Variants in WWOX observed in about 807,000 individuals in gnomAD.
WWOX encodes the protein WW domain containing oxidoreductase, also known as WW domain-containing oxidoreductase.
In WWOX, 69 loss-of-function variants were observed where a neutral mutation model predicts 46.2. The observed-to-expected ratio is 1.49, with a 90% CI of 1.23 to 1.82. WWOX has a LOEUF of 1.82. Ranked by LOEUF, WWOX falls within the 40% of genes most tolerant of loss-of-function variation. The probability of loss-of-function intolerance (pLI) is 0.00; values close to 1 mark genes in which losing one functional copy is unlikely to be tolerated. For missense variants in WWOX, 919 were observed against 542.6 expected, an observed-to-expected ratio of 1.69 and a Z score of -6.89; for synonymous variants, 359 against 202.6, an observed-to-expected ratio of 1.77 and a Z score of -6.56.
chr16:79,068,691 C>T (rs2048488057), intron 8 of WWOX, among the ~76,000 whole-genome samples: 3 of 151,712 alleles, frequency 2.0e-5, no homozygotes, highest in Admixed American at 2.0e-4. Flanking sequence ...CATGCCTGTG[C>T]TCCCAGCCAC....
chr16:79,180,987 G>C (rs967387428), intron 8 of WWOX, among the ~76,000 whole-genome samples: 12 of 152,136 alleles, frequency 7.9e-5, no homozygotes, highest in Non-Finnish European at 1.8e-4. Flanking sequence ...TTGTATGTCT[G>C]ATTTTTTAGC....
intron 6 of WWOX, among the ~76,000 whole-genome samples, chr16:78,398,371 TC>T (rs1360731907): frequency 4.6e-5 from 7 of 152,134 alleles, no homozygotes; most frequent in African/African-American, 1.7e-4. Context: ...GTGGCTCCTC[TC>T]CCACTTGTCC....
intron 8 of WWOX, among the ~76,000 whole-genome samples, chr16:78,498,595 G>C (rs558422024): frequency 6.6e-6 from 1 of 152,238 alleles, no homozygotes; most frequent in East Asian, 2.0e-4. Flanking sequence ...CAAGGATTGG[G>C]AGATGTTCAT....
At chr16:79,016,926 C>T (rs1347248926) in intron 8 of WWOX, 1 of 152,196 alleles carries the variant, frequency 6.6e-6, no homozygotes, top group East Asian at 1.9e-4. Flanking sequence ...GGTCGAACTC[C>T]TGACCTCAGG....
In WWOX at chr16:78,386,957, T is replaced by A. The variant is rs368853054; in HGVS notation, c.605+9T>A. On this transcript the variant is annotated intron_variant, in intron 6 of 8. Transcript: ENST00000566780. ...TTCAAGGCCAAGAATGTGTGAGTGT[T>A]CCAGTGGAGGGTTATAGATCATAAT... 1,189 of 1,612,404 alleles carry A rather than the reference T, an allele frequency of 7.4e-4. No individual in the cohort carries two copies. Among genetic ancestry groups the A allele is most frequent in the Admixed American group, 1.3e-3 (77 of 60,022 alleles).
At chr16:78,636,536 G>T (rs914507748) in intron 8 of WWOX, among the ~76,000 whole-genome samples, 12 of 152,088 alleles carry the variant, frequency 7.9e-5, no homozygotes. Context: ...TAGAGTAGCT[G>T]CCCTCCCCAT....
intron 5 of WWOX, among the ~76,000 whole-genome samples, chr16:78,276,068 C>A (rs1403985063): frequency 6.6e-6 from 1 of 152,164 alleles, no homozygotes; most frequent in Non-Finnish European, 1.5e-5. Context: ...GACAGACTGA[C>A]AGTATTAGCG....
rs148847379 is a variant in WWOX, at chr16:78,754,463, C to A, written c.1056+321711C>A. Among the ~76,000 whole-genome samples the A allele has an allele frequency of 3.1e-3, 478 of 152,278 alleles. 3 individuals are homozygous for A. The highest frequency in any genetic ancestry group is 0.011 in the African/African-American group (449 of 41,564). On this transcript the variant is annotated intron_variant, in intron 8 of 8. Coordinates refer to ENST00000566780, the MANE Select transcript of WWOX (RefSeq NM_016373.4). The stretch of plus-strand genomic sequence containing the variant: ...GGCACCGGATTTGAAAGCCAATGTT[C>A]TCTTAGTACCTACCGCTTTCTTTTC...
chr16:78,622,122 A>G (rs955832476), intron 8 of WWOX, among the ~76,000 whole-genome samples: 1 of 152,178 alleles, frequency 6.6e-6, no homozygotes, highest in Non-Finnish European at 1.5e-5. Flanking sequence ...TAATTTTAGT[A>G]AAACCTTGAA....
At chr16:78,894,829 C>G (rs1001749286) in intron 8 of WWOX, among the ~76,000 whole-genome samples, 2 of 152,174 alleles carry the variant, frequency 1.3e-5, no homozygotes, top group African/African-American at 4.8e-5. Context: ...CAGTTTTCCA[C>G]AATGCGGCTA....
chr16:78,188,306 G>A (rs1364814162), intron 5 of WWOX, among the ~76,000 whole-genome samples: 2 of 151,924 alleles, frequency 1.3e-5, no homozygotes, highest in African/African-American at 2.4e-5. Flanking sequence ...TGGCTAACAC[G>A]GTGAAACCCC....
At chr16:78,521,555 C>A (rs1201239716) in intron 8 of WWOX, among the ~76,000 whole-genome samples, 2 of 152,140 alleles carry the variant, frequency 1.3e-5, no homozygotes, top group Non-Finnish European at 2.9e-5. Context: ...TAGAGTTCTA[C>A]TTATATTACA....
chr16:78,329,818 C>G (rs13336567), intron 5 of WWOX, among the ~76,000 whole-genome samples: 19,552 of 151,294 alleles, frequency 0.13, 1,324 homozygotes, highest in Middle Eastern at 0.14. Flanking sequence ...AGAATCATAG[C>G]TCACTGCAGC....
chr16:78,453,640 T>C (rs1484351030), intron 8 of WWOX, among the ~76,000 whole-genome samples: 1 of 152,114 alleles, frequency 6.6e-6, no homozygotes, highest in Non-Finnish European at 1.5e-5. Context: ...ATTTTTATCC[T>C]GAAGATTTTT....
intron 8 of WWOX, among the ~76,000 whole-genome samples, chr16:79,116,211 C>T (rs1422142532): frequency 6.6e-6 from 1 of 152,086 alleles, no homozygotes; most frequent in Non-Finnish European, 1.5e-5. Flanking sequence ...TTGGCGGTTG[C>T]TGAAGGTTGG....
At chr16:78,712,745 A>G (rs1002584173) in intron 8 of WWOX, among the ~76,000 whole-genome samples, 3 of 152,182 alleles carry the variant, frequency 2.0e-5, no homozygotes, top group African/African-American at 4.8e-5. Context: ...CGAAAAATCT[A>G]CAAGTGAAAT....
intron 8 of WWOX, among the ~76,000 whole-genome samples, chr16:79,042,056 C>A (rs964163525): frequency 7.9e-5 from 12 of 152,126 alleles, no homozygotes; most frequent in Non-Finnish European, 1.0e-4. Context: ...TGGAGGGAAA[C>A]TGATTAACTC....
Position 78,374,977 on chromosome 16 carries a change from C to T in WWOX, c.517-11883C>T, listed in dbSNP as rs539532498. On this transcript the variant is annotated intron_variant, in intron 5 of 8. Transcript: ENST00000566780. ...CTGGGATAACAGGCGTGAGCCACTG[C>T]GCCTGTCTACATTTTCTGTCTTTAC... Among the ~76,000 whole-genome samples the T allele has an allele frequency of 1.9e-3, 288 of 152,286 alleles. 2 individuals are homozygous for T. Among genetic ancestry groups the T allele is most frequent in the Non-Finnish European group, 2.9e-3 (195 of 68,024 alleles).
At chr16:78,501,179 C>CTT (rs2085055761) in intron 8 of WWOX, among the ~76,000 whole-genome samples, 1 of 11,168 alleles carries the variant, frequency 9.0e-5, no homozygotes, top group Admixed American at 1.6e-3. Flanking sequence ...TTTTCTTTCT[C>CTT]TCTCTTTCTT....
Sources: gnomAD v4.1 joint callset for allele counts (sites outside exome capture counted in the v4.1 genomes callset) on GRCh38, gnomAD v4.1.1 for gene constraint, MANE v1.5 for transcripts, NCBI Gene and HGNC (gene_info 2026-07-23, HGNC 2026-07-21) for gene names.